The following GABRB1 variants were observed in gnomAD, a reference collection of about 807,000 sequenced individuals.
GABRB1 encodes gamma-aminobutyric acid receptor subunit beta-1.
A neutral mutation model predicts 51.6 loss-of-function variants in GABRB1; 17 were observed. That is an observed-to-expected ratio of 0.33 (90% CI 0.23 to 0.49). The LOEUF (loss-of-function observed/expected upper bound fraction) is 0.49, where lower values mean the gene tolerates loss of function less well. Among genes scored for constraint, GABRB1 ranks in the 20% least tolerant of loss-of-function variants. The probability of loss-of-function intolerance (pLI) is 0.99; values close to 1 mark genes in which losing one functional copy is unlikely to be tolerated. For missense variants in GABRB1, 410 were observed against 600.6 expected (o/e 0.68, Z 3.32); for synonymous variants, 247 against 218.9 (o/e 1.13, Z -1.14).
At chr4:47,405,499 T>C (rs1332704444) in intron 7 of GABRB1, among the ~76,000 whole-genome samples, 1 of 152,198 alleles carries the variant, frequency 6.6e-6, no homozygotes, top group Non-Finnish European at 1.5e-5. Context: ...CATTGCTTAT[T>C]TTAAATGCTA....
chr4:47,117,366 A>T (rs1715541508), intron 3 of GABRB1, among the ~76,000 whole-genome samples: 1 of 152,174 alleles, frequency 6.6e-6, no homozygotes, highest in Non-Finnish European at 1.5e-5. Context: ...AAGTCTCTCT[A>T]ATCTGGATGC....
intron 5 of GABRB1, among the ~76,000 whole-genome samples, chr4:47,375,933 TGGA>T (rs1727360180): frequency 2.0e-5 from 3 of 152,322 alleles, no homozygotes; most frequent in African/African-American, 7.2e-5. Flanking sequence ...ACAGAATGTT[TGGA>T]GGAGAAGATG....
intron 3 of GABRB1, among the ~76,000 whole-genome samples, chr4:47,038,769 T>C (rs1725704338): frequency 6.6e-6 from 1 of 152,208 alleles, no homozygotes; most frequent in African/African-American, 2.4e-5. Flanking sequence ...TCAAGGAAAG[T>C]AAAACATTTC....
chr4:47,094,229 CTTT>C (rs35279182), intron 3 of GABRB1, among the ~76,000 whole-genome samples: 12 of 126,612 alleles, frequency 9.5e-5, no homozygotes, highest in Non-Finnish European at 1.3e-4. Context: ...TCTTTTTTCT[CTTT>C]TTTTTTTTTT....
intron 4 of GABRB1, among the ~76,000 whole-genome samples, chr4:47,208,339 G>C (rs1720220618): frequency 6.6e-6 from 1 of 152,024 alleles, no homozygotes; most frequent in South Asian, 2.1e-4. Flanking sequence ...TGAAGAGATG[G>C]GGAATGGGGA....
At chr4:47,045,028 T>C (rs1726025116) in intron 3 of GABRB1, among the ~76,000 whole-genome samples, 1 of 152,096 alleles carries the variant, frequency 6.6e-6, no homozygotes. Flanking sequence ...ATAAAATGTG[T>C]TGCTTTACAA....
chr4:47,358,363 GTA>G (rs1350277675), intron 5 of GABRB1, among the ~76,000 whole-genome samples: 89 of 148,118 alleles, frequency 6.0e-4, no homozygotes, highest in African/African-American at 2.3e-3. Flanking sequence ...ATGTGTGTGT[GTA>G]TATATATGTG....
chr4:47,042,656 AAAAT>A (rs1236824127), intron 3 of GABRB1, among the ~76,000 whole-genome samples: 1 of 151,504 alleles, frequency 6.6e-6, no homozygotes, highest in Non-Finnish European at 1.5e-5. Context: ...AGAAAAATCA[AAAAT>A]AAAAGGTAGC....
At chr4:47,418,632 C>A (rs1729003147) in intron 8 of GABRB1, among the ~76,000 whole-genome samples, 1 of 152,224 alleles carries the variant, frequency 6.6e-6, no homozygotes, top group South Asian at 2.1e-4. Context: ...ATGTATTTAT[C>A]CCCATTCATT....
intron 1 of GABRB1, chr4:46,994,481 TGTGA>T (rs1723911165): frequency 1.4e-5 from 2 of 147,668 alleles, no homozygotes; most frequent in African/African-American, 2.5e-5. Flanking sequence ...TGTGTGTGTG[TGTGA>T]GAGAGAGAGA....
intron 5 of GABRB1, among the ~76,000 whole-genome samples, chr4:47,355,952 T>C (rs1286997620): frequency 2.0e-5 from 3 of 152,228 alleles, no homozygotes; most frequent in African/African-American, 2.4e-5. Flanking sequence ...AAATAATGTG[T>C]ACCTTACAGG....
intron 2 of GABRB1, 142 bp from the exon 3 acceptor site, chr4:47,032,275 A>C: frequency 1.2e-6 from 1 of 829,692 alleles, no homozygotes; most frequent in Non-Finnish European, 1.9e-6. Flanking sequence ...CTGTTTTCCC[A>C]GGCAGTCCCC....
chr4:47,012,313 A>G (rs1274137754), intron 1 of GABRB1, among the ~76,000 whole-genome samples: 4 of 152,090 alleles, frequency 2.6e-5, no homozygotes, highest in Admixed American at 6.6e-5. Flanking sequence ...AGCCTAGTAT[A>G]CATTAGTTAT....
chr4:47,395,843 A>T (rs1336357078), intron 5 of GABRB1, among the ~76,000 whole-genome samples: 46 of 152,072 alleles, frequency 3.0e-4, no homozygotes. Context: ...ATATGCAAAT[A>T]TGTTTCTGTT....
At chr4:47,023,776 C>T (rs531685223) in intron 1 of GABRB1, among the ~76,000 whole-genome samples, 4 of 151,964 alleles carry the variant, frequency 2.6e-5, no homozygotes, top group African/African-American at 4.8e-5. Flanking sequence ...TCATGTACCC[C>T]GCAGGTATAT....
At chr4:47,286,729 CA>C (rs1723523859) in intron 4 of GABRB1, among the ~76,000 whole-genome samples, 1 of 152,062 alleles carries the variant, frequency 6.6e-6, no homozygotes, top group African/African-American at 2.4e-5. Flanking sequence ...CCTTGTGAAA[CA>C]AAGGCAGAAT....
At chr4:47,123,578 CATATATTATAATATATTA>C (rs1715920544) in intron 3 of GABRB1, among the ~76,000 whole-genome samples, 2 of 52,830 alleles carry the variant, frequency 3.8e-5, no homozygotes, top group Non-Finnish European at 6.2e-5. Context: ...TACATTATTT[CATATATTATAATATATTA>C]CATTATTTCA....
chr4:47,212,987 G>T (rs569666558), intron 4 of GABRB1, among the ~76,000 whole-genome samples: 3 of 152,082 alleles, frequency 2.0e-5, no homozygotes, highest in Non-Finnish European at 4.4e-5. Flanking sequence ...GCTAATGCAC[G>T]ACATACATGG....
intron 4 of GABRB1, among the ~76,000 whole-genome samples, chr4:47,178,673 C>T (rs375805209): frequency 4.6e-5 from 7 of 151,906 alleles, no homozygotes; most frequent in African/African-American, 7.2e-5. Context: ...AAAAGGGCAA[C>T]GATGAATGCC....
Sources: gnomAD v4.1 joint callset for allele counts (sites outside exome capture counted in the v4.1 genomes callset) on GRCh38, gnomAD v4.1.1 for gene constraint, MANE v1.5 for transcripts, NCBI Gene and HGNC (gene_info 2026-07-23, HGNC 2026-07-21) for gene names.